Variants in AGBL4 observed in about 807,000 individuals in gnomAD.
AGBL4 encodes cytosolic carboxypeptidase 6.
AGBL4 carries 58 observed loss-of-function variants against 66.4 expected under a neutral mutation model. The ratio of observed to expected loss-of-function variants is 0.87; its 90% confidence interval spans 0.71 to 1.09. The LOEUF is 1.09. Among genes scored for constraint, AGBL4 ranks in the 50% least tolerant of loss-of-function variants. The pLI is 0.00. For synonymous variants in AGBL4, 234 were observed against 222.9 expected, an observed-to-expected ratio of 1.05 and a Z score of -0.44; for missense variants, 579 against 631.0, an observed-to-expected ratio of 0.92 and a Z score of 0.88.
At chr1:48,707,835 G>A (rs1014792110) in intron 6 of AGBL4, among the ~76,000 whole-genome samples, 8 of 152,124 alleles carry the variant, frequency 5.3e-5, no homozygotes, top group Non-Finnish European at 8.8e-5. Context: ...ATGCCTGACC[G>A]GGGTGATTTC....
At chr1:48,638,448 A>G (rs1645703059) in intron 8 of AGBL4, among the ~76,000 whole-genome samples, 1 of 152,266 alleles carries the variant, frequency 6.6e-6, no homozygotes, top group Non-Finnish European at 1.5e-5. Context: ...TACATGAATT[A>G]ATGTCTATAA....
At chr1:49,428,287 A>C (rs959443071) in intron 3 of AGBL4, among the ~76,000 whole-genome samples, 3 of 152,220 alleles carry the variant, frequency 2.0e-5, no homozygotes, top group Non-Finnish European at 2.9e-5. Flanking sequence ...CTAGTTCCAC[A>C]GATTCATAGT....
chr1:49,554,181 G>A (rs1653209244), intron 3 of AGBL4, among the ~76,000 whole-genome samples: 1 of 152,064 alleles, frequency 6.6e-6, no homozygotes. Context: ...ATAGAACCAG[G>A]ATTTAAATCC....
chr1:48,963,645 C>A (rs1476001599), intron 5 of AGBL4, among the ~76,000 whole-genome samples: 1 of 152,050 alleles, frequency 6.6e-6, no homozygotes, highest in Admixed American at 6.6e-5. Context: ...CTTACCAGAG[C>A]TTTTCAGAAA....
At position 49,813,827 on chromosome 1, in the gene AGBL4, C is replaced by T. The variant is rs374371845; in HGVS notation, c.157+37569G>A. On this transcript the variant is annotated intron_variant, in intron 2 of 13. Coordinates refer to ENST00000371839, the MANE Select transcript of AGBL4 (RefSeq NM_032785.4). Reference sequence around the variant, plus strand: ...AAAGAGAGTACTTGATATGGTTTGGCTGTGTCCCCACCCAAATCTCATCTT... The same window carrying T: ...AAAGAGAGTACTTGATATGGTTTGGTTGTGTCCCCACCCAAATCTCATCTT... 8.7e-4 allele frequency among the ~76,000 whole-genome samples: 133 copies of T among 152,210 alleles called. 1 individual carries two copies. In the South Asian group the frequency reaches 9.7e-3, roughly 11 times the overall value.
chr1:49,142,307 C>G (rs1646133370), intron 4 of AGBL4, among the ~76,000 whole-genome samples: 3 of 152,100 alleles, frequency 2.0e-5, no homozygotes, highest in Non-Finnish European at 2.9e-5. Flanking sequence ...GTAAACATTT[C>G]CTGTCTCCCT....
chr1:49,240,060 T>C (rs1651098095), intron 4 of AGBL4, among the ~76,000 whole-genome samples: 1 of 152,138 alleles, frequency 6.6e-6, no homozygotes, highest in Middle Eastern at 3.4e-3. Flanking sequence ...TTGTTTTTAA[T>C]AATAGAGTAA....
intron 5 of AGBL4, among the ~76,000 whole-genome samples, chr1:48,975,198 T>G (rs1659219173): frequency 6.6e-6 from 1 of 152,158 alleles, no homozygotes; most frequent in Non-Finnish European, 1.5e-5. Context: ...TTGCTATATT[T>G]TGTACTAAAG....
chr1:49,000,564 AT>A (rs530087760), intron 5 of AGBL4, among the ~76,000 whole-genome samples: 1 of 152,106 alleles, frequency 6.6e-6, no homozygotes, highest in East Asian at 1.9e-4. Context: ...CTTGGTCTAC[AT>A]TTTTTTATAT....
chr1:49,718,384 A>G (rs1171260171), intron 2 of AGBL4, among the ~76,000 whole-genome samples: 1 of 152,086 alleles, frequency 6.6e-6, no homozygotes, highest in East Asian at 1.9e-4. Flanking sequence ...AGATGCTGGT[A>G]CCTTACTTCC....
At chr1:49,747,357 C>T (rs1423336084) in intron 2 of AGBL4, among the ~76,000 whole-genome samples, 1 of 151,956 alleles carries the variant, frequency 6.6e-6, no homozygotes, top group Admixed American at 6.6e-5. Context: ...AGCAACATAG[C>T]GTAGTGAAAA....
chr1:49,371,248 G>GATAC (rs760739499), intron 3 of AGBL4, among the ~76,000 whole-genome samples: 4,350 of 137,914 alleles, frequency 0.032, 101 homozygotes, highest in East Asian at 0.16. Flanking sequence ...TAGATAGATA[G>GATAC]ATACATACAT....
intron 6 of AGBL4, among the ~76,000 whole-genome samples, chr1:48,784,183 T>C (rs941508485): frequency 6.6e-6 from 1 of 152,192 alleles, no homozygotes; most frequent in Admixed American, 6.5e-5. Context: ...AGATAATCTA[T>C]GTAAAATGCT....
intron 3 of AGBL4, among the ~76,000 whole-genome samples, chr1:49,483,658 T>C (rs1647003104): frequency 1.3e-5 from 2 of 151,878 alleles, no homozygotes; most frequent in Admixed American, 6.6e-5. Context: ...CAAAACACAT[T>C]GAGGAACCTC....
intron 1 of AGBL4, among the ~76,000 whole-genome samples, chr1:49,947,687 T>C (rs1655345489): frequency 6.6e-6 from 1 of 151,218 alleles, no homozygotes; most frequent in Non-Finnish European, 1.5e-5. Context: ...CTGGAAGTCC[T>C]ACCAGAGCAA....
intron 3 of AGBL4, among the ~76,000 whole-genome samples, chr1:49,329,915 T>A (rs1039625437): frequency 2.6e-5 from 4 of 152,168 alleles, no homozygotes; most frequent in Non-Finnish European, 5.9e-5. Flanking sequence ...CATATGTATC[T>A]TTCTCTCCCA....
chr1:49,682,304 T>C (rs1345063438), intron 3 of AGBL4, among the ~76,000 whole-genome samples: 4 of 152,034 alleles, frequency 2.6e-5, no homozygotes, highest in Non-Finnish European at 4.4e-5. Context: ...TACAGGAGGC[T>C]GAGGCAGGAG....
chr1:49,949,939 T>A (rs1655922207), intron 1 of AGBL4, among the ~76,000 whole-genome samples: 1 of 148,168 alleles, frequency 6.7e-6, no homozygotes, highest in Admixed American at 6.8e-5. Context: ...ATTGCAAAAA[T>A]GTGGAAACAA....
intron 4 of AGBL4, among the ~76,000 whole-genome samples, chr1:49,066,900 T>C (rs957761756): frequency 6.6e-6 from 1 of 152,198 alleles, no homozygotes; most frequent in Non-Finnish European, 1.5e-5. Flanking sequence ...GTTAATTTTC[T>C]ATTTTCTGAC....
Sources: allele counts gnomAD v4.1 joint callset (sites outside exome capture counted in the v4.1 genomes callset), GRCh38; gene constraint gnomAD v4.1.1; transcripts MANE v1.5; gene names NCBI Gene and HGNC (gene_info 2026-07-23, HGNC 2026-07-21).